Variants in C9orf43 observed in about 807,000 individuals in gnomAD.
C9orf43 encodes the protein chromosome 9 open reading frame 43, also known as uncharacterized protein C9orf43.
In C9orf43, 45 loss-of-function variants were observed where a neutral mutation model predicts 59.1. That is an observed-to-expected ratio of 0.76 (90% CI 0.60 to 0.98). The LOEUF (loss-of-function observed/expected upper bound fraction) is 0.98, where lower values mean the gene tolerates loss of function less well. C9orf43 is among the 50% of genes least tolerant of loss of function. The pLI is 0.00. For missense variants in C9orf43, 533 were observed against 554.9 expected (o/e 0.96, Z 0.40); for synonymous variants, 203 against 196.8 (o/e 1.03, Z -0.26).
chr9:113,413,271 C>G (rs892819208), intron 1 of C9orf43, among the ~76,000 whole-genome samples, 174 bp from the exon 2 acceptor site: 1 of 152,190 alleles, frequency 6.6e-6, no homozygotes, highest in Non-Finnish European at 1.5e-5. Flanking sequence ...TGCCATTCTA[C>G]TTTATGCTGA....
chr9:113,421,684 G>A (rs1828580200), intron 5 of C9orf43, among the ~76,000 whole-genome samples: 1 of 152,094 alleles, frequency 6.6e-6, no homozygotes, highest in South Asian at 2.1e-4. Context: ...GACAACCATG[G>A]GGAAAGTGTT....
chr9:113,427,205 T>C (rs1828823688), intron 11 of C9orf43, among the ~76,000 whole-genome samples: 1 of 152,202 alleles, frequency 6.6e-6, no homozygotes, highest in Non-Finnish European at 1.5e-5. Flanking sequence ...GTTTCGCTCT[T>C]GTTGCCCAGG....
At chr9:113,420,821 G>A (rs1828534005) in intron 4 of C9orf43, 1 of 981,722 alleles carries the variant, frequency 1.0e-6, no homozygotes, top group Non-Finnish European at 1.2e-6. Context: ...AAGCCCCAGG[G>A]CACCCTCATA....
intron 3 of C9orf43, among the ~76,000 whole-genome samples, chr9:113,417,155 C>G (rs2119067526): frequency 6.6e-6 from 1 of 152,280 alleles, no homozygotes; most frequent in South Asian, 2.1e-4. Flanking sequence ...GCTCTGTCTC[C>G]TATGTCTTCA....
chr9:113,413,517 G>C lies in C9orf43; in HGVS notation c.24G>C (p.Gln8His). Residue 8 changes from glutamine to histidine, a missense_variant, in exon 2 of 14, where the codon CAG becomes CAC. Coordinates refer to ENST00000374165, the MANE Select transcript of C9orf43 (RefSeq NM_001278629.2). MDLPDES[Q>H]WDETTCGLAV... is the part of the protein sequence containing the mutation. ...CTATGGACTTGCCAGATGAGAGCCA[G>C]TGGGACGAAACCACCTGTGGCTTGG... is the stretch of plus-strand genomic sequence containing the variant. 6.2e-7 allele frequency: 1 copy of C among 1,613,862 alleles called. No individual in the cohort carries two copies. Among genetic ancestry groups the C allele is most frequent in the African/African-American group, 1.3e-5 (1 of 75,062 alleles).
In C9orf43 at chr9:113,425,640, CAGG is replaced by C; in HGVS notation, c.944_946del (p.Glu315del). On this transcript the variant is annotated splice_acceptor_variant and coding_sequence_variant, in exon 11 of 14. Transcript: ENST00000374165. LOFTEE classifies it high-confidence loss of function. ...AATTTGTTCCTCCTGATGTGGGTTT[CAGG>C]AGGCTAAAAAGAAAGCCAAGAGTGA... The C allele has an allele frequency of 1.2e-6, 2 of 1,613,796 alleles. No homozygotes were observed.
intron 4 of C9orf43, among the ~76,000 whole-genome samples, chr9:113,420,284 G>T (rs1243163027): frequency 6.6e-6 from 1 of 151,950 alleles, no homozygotes; most frequent in Non-Finnish European, 1.5e-5. Flanking sequence ...GTAGAAACAG[G>T]GTCTCACTAT....
intron 6 of C9orf43, among the ~76,000 whole-genome samples, chr9:113,423,062 C>T (rs1205321387): frequency 6.6e-6 from 1 of 152,150 alleles, no homozygotes; most frequent in Non-Finnish European, 1.5e-5. Context: ...CATAATTAGA[C>T]AATAAATTTT....
intron 11 of C9orf43, among the ~76,000 whole-genome samples, chr9:113,427,134 G>A (rs185552929): frequency 5.8e-4 from 89 of 152,182 alleles, no homozygotes; most frequent in African/African-American, 2.0e-3. Context: ...GTGGTGCTCC[G>A]CCTTGACTGT....
chr9:113,429,046 C>A, intron 13 of C9orf43, 83 bp downstream of exon 13: 3 of 1,488,126 alleles, frequency 2.0e-6, no homozygotes, highest in Admixed American at 3.4e-5. Flanking sequence ...TAGTTTACCT[C>A]CCTGAAGGCA....
Position 113,429,447 on chromosome 9 carries a change from T to C in C9orf43, c.*61T>C. On this transcript the variant is annotated 3_prime_UTR_variant, in exon 14 of 14. Transcript: ENST00000374165. ...GGGGCAGCCGTGTTCCAAAGCGGGA[T>C]GGCTGGTATCCTGAGGGCAGCAACG... is the stretch of plus-strand genomic sequence containing the variant. 1 of 1,475,796 alleles carries C rather than the reference T, an allele frequency of 6.8e-7. No individual in the cohort carries two copies. Among genetic ancestry groups the C allele is most frequent in the Non-Finnish European group, 9.4e-7 (1 of 1,063,988 alleles). The allele number at this position is 1,475,796 out of a possible 1,614,324, so 91.4% of individuals were successfully genotyped here.
chr9:113,411,088 C>T, intron 1 of C9orf43, 87 bp downstream of exon 1: 1 of 985,292 alleles, frequency 1.0e-6, no homozygotes, highest in Non-Finnish European at 1.2e-6. Context: ...TAATGCTGGC[C>T]ATATAGAGAT....
intron 3 of C9orf43, among the ~76,000 whole-genome samples, chr9:113,417,695 C>A (rs1043087585): frequency 3.9e-5 from 6 of 152,106 alleles, no homozygotes; most frequent in South Asian, 2.1e-4. Flanking sequence ...TGGCAGGAAG[C>A]GAGTTCTAAA....
In C9orf43 at chr9:113,410,944, T is replaced by A; in HGVS notation, c.-107T>A. 1.0e-6 allele frequency: 1 copy of A among 986,492 alleles called. No homozygotes were observed. Among genetic ancestry groups the A allele is most frequent in the Non-Finnish European group, 1.2e-6 (1 of 830,562 alleles). The allele number at this position is 986,492 out of a possible 1,614,324, so 61.1% of individuals were successfully genotyped here. A position where few individuals can be genotyped will look rare whatever the true frequency, so the allele number is the denominator to read the frequency against. On this transcript the variant is annotated 5_prime_UTR_variant, in exon 1 of 14. Transcript: ENST00000374165. ...ATGGAGTGGGCAGTCTTTTTCCATC[T>A]CTACCGAAGTTGATGTTCATTTTTA...
In C9orf43 at chr9:113,426,307, A is replaced by G. The variant is rs112975593; in HGVS notation, c.1030+577A>G. 2.7e-4 allele frequency among the ~76,000 whole-genome samples: 41 copies of G among 152,234 alleles called. 1 individual carries two copies. Among genetic ancestry groups the G allele is most frequent in the African/African-American group, 8.7e-4 (36 of 41,540 alleles). ...GCTCATGCTGGACACAAGAATGGAC[A>G]TCTCCCCTTTTTGGAGTCGTTATTA... On this transcript the variant is annotated intron_variant, in intron 11 of 13. Transcript: ENST00000374165.
intron 3 of C9orf43, among the ~76,000 whole-genome samples, chr9:113,414,702 A>G (rs1408384873): frequency 6.6e-6 from 1 of 152,110 alleles, no homozygotes; most frequent in Non-Finnish European, 1.5e-5. Context: ...TTTTACCTTA[A>G]TAACTTTTTA....
intron 11 of C9orf43, 88 bp downstream of exon 11, chr9:113,425,818 A>G: frequency 9.5e-7 from 1 of 1,048,054 alleles, no homozygotes; most frequent in Admixed American, 1.7e-5. Context: ...TGCTCTTGTC[A>G]TTTTGAGACC....
Position 113,428,908 on chromosome 9 carries a change from G to T in C9orf43, c.1116G>T (p.Thr372=), listed in dbSNP as rs1056903596. 2 of 1,613,590 alleles carry T rather than the reference G, an allele frequency of 1.2e-6. No homozygotes were observed. Among genetic ancestry groups the T allele is most frequent in the Non-Finnish European group, 1.7e-6 (2 of 1,179,578 alleles). The change falls in exon 13 of 14, where the codon ACG becomes ACT. Residue 372 remains threonine (T), a synonymous_variant. Coordinates refer to ENST00000374165, the MANE Select transcript of C9orf43 (RefSeq NM_001278629.2). ...EKGTTSKQDS[T]ERPKMNYYDH... is the part of the protein sequence containing the mutation. ...ACCCCAATGAATTTCAGGATTCCAC[G>T]GAGAGACCAAAGATGAACTACTATG...
At chr9:113,411,116 A>G in intron 1 of C9orf43, 115 bp downstream of exon 1, 1 of 985,444 alleles carries the variant, frequency 1.0e-6, no homozygotes, top group Non-Finnish European at 1.2e-6. Context: ...ATTAGGTCTC[A>G]GGAGTCAATT....
Sources: gnomAD v4.1 joint callset for allele counts (sites outside exome capture counted in the v4.1 genomes callset) on GRCh38, gnomAD v4.1.1 for gene constraint, MANE v1.5 for transcripts, NCBI Gene and HGNC (gene_info 2026-07-23, HGNC 2026-07-21) for gene names.